The following SPATA13 variants were observed in gnomAD, a reference collection of about 807,000 sequenced individuals.
The protein encoded by SPATA13 is spermatogenesis-associated protein 13.
SPATA13 carries 50 observed loss-of-function variants against 104.0 expected under a neutral mutation model. The observed-to-expected ratio is 0.48, with a 90% CI of 0.38 to 0.61. The LOEUF (loss-of-function observed/expected upper bound fraction) is 0.61, where lower values mean the gene tolerates loss of function less well. Among genes scored for constraint, SPATA13 ranks in the 20% least tolerant of loss-of-function variants. SPATA13 has a pLI of 0.00. For synonymous variants in SPATA13, 606 were observed against 667.5 expected (o/e 0.91, Z 1.42); for missense variants, 1,524 against 1,690.6 (o/e 0.90, Z 1.73).
At chr13:24,151,171 A>C (rs2138470810) in intron 3 of SPATA13, among the ~76,000 whole-genome samples, 1 of 152,240 alleles carries the variant, frequency 6.6e-6, no homozygotes, top group South Asian at 2.1e-4. Context: ...TGGCCCTCAG[A>C]CCCAGATGCT....
intron 3 of SPATA13, among the ~76,000 whole-genome samples, chr13:24,039,134 C>G (rs976871895): frequency 2.6e-5 from 4 of 152,348 alleles, no homozygotes; most frequent in African/African-American, 7.2e-5. Context: ...ATTAGTGAAC[C>G]TTTCTTCTCT....
intron 3 of SPATA13, among the ~76,000 whole-genome samples, chr13:24,115,379 G>A (rs9553185): frequency 0.072 from 10,958 of 152,292 alleles, 714 homozygotes; most frequent in East Asian, 0.31. Context: ...ACCTGACTGC[G>A]CAGCAGAAGG....
chr13:24,107,909 A>G (rs994454874), intron 3 of SPATA13, among the ~76,000 whole-genome samples: 1 of 152,186 alleles, frequency 6.6e-6, no homozygotes, highest in Admixed American at 6.5e-5. Flanking sequence ...CACAATTTTA[A>G]TTATTATGCT....
At chr13:24,005,144 G>C (rs753024445) in intron 2 of SPATA13, among the ~76,000 whole-genome samples, 1 of 152,140 alleles carries the variant, frequency 6.6e-6, no homozygotes, top group Non-Finnish European at 1.5e-5. Context: ...TCTCTGAGTC[G>C]CTAGGGGAGA....
rs1877584375 is a variant in SPATA13 at position 24,306,504 on chromosome 13, C to T, written c.*3731C>T. ...GACCCAAGTCAACTAGGTGAAACTA[C>T]TAGCAGACCCAGCTTTCCCATAATA... On this transcript the variant is annotated 3_prime_UTR_variant, in exon 13 of 13. Transcript: ENST00000382108. 6.6e-6 allele frequency: 1 copy of T among 152,186 alleles called. No homozygotes were observed. The highest frequency in any genetic ancestry group is 1.5e-5 in the Non-Finnish European group (1 of 68,036). 9.4% of individuals were successfully genotyped at this position (152,186 alleles called of 1,614,324 possible). A position where few individuals can be genotyped will look rare whatever the true frequency, so the allele number is the denominator to read the frequency against.
intron 2 of SPATA13, among the ~76,000 whole-genome samples, chr13:24,004,262 A>C (rs1426236262): frequency 2.6e-5 from 4 of 152,244 alleles, no homozygotes; most frequent in African/African-American, 4.8e-5. Flanking sequence ...CTCTGCAGTC[A>C]TCAGTCAATA....
At chr13:24,268,714 G>A (rs1394509173) in intron 4 of SPATA13, among the ~76,000 whole-genome samples, 4 of 152,176 alleles carry the variant, frequency 2.6e-5, no homozygotes, top group African/African-American at 9.7e-5. Flanking sequence ...AGCCAAGATC[G>A]TGCCACTGCA....
chr13:23,987,088 T>C (rs1428267756), intron 2 of SPATA13, among the ~76,000 whole-genome samples: 2 of 82,718 alleles, frequency 2.4e-5, no homozygotes, highest in African/African-American at 8.3e-5. Context: ...TGGATTGATA[T>C]TTTAAATGAA....
rs1370170580 is a variant in SPATA13, at chr13:24,284,284, C to T, written c.2301+13C>T. The T allele has an allele frequency of 6.2e-7, 1 of 1,612,288 alleles. No homozygotes were observed. The highest frequency in any genetic ancestry group is 8.5e-7 in the Non-Finnish European group (1 of 1,179,064). The stretch of plus-strand genomic sequence containing the variant: ...GGCCATCAATGAGGTACTGGAATTC[C>T]ACACGACAGTAGTGGATACGGGATA... On this transcript the variant is annotated intron_variant, in intron 5 of 12. Transcript: ENST00000382108.
At chr13:24,271,021 ACTCTCTCTCTCTCTCTCTCACT>A in intron 4 of SPATA13, 3 of 606,220 alleles carry the variant, frequency 4.9e-6, no homozygotes, top group Non-Finnish European at 8.8e-6. Context: ...ACTCTCTCTC[ACTCTCTCTCTCTCTCTCTCACT>A]CTCTCTCTCT....
chr13:24,161,884 CG>C lies in SPATA13; in HGVS notation c.-112+953del, dbSNP rs1882512423. Reference sequence around the variant, plus strand: ...TCCCCACCTTCGGTTTTTGCTGCCTCGTGTTTTCTTCTCTGTGAACCTTTCC... The same window carrying C: ...TCCCCACCTTCGGTTTTTGCTGCCTCTGTTTTCTTCTCTGTGAACCTTTCC... On this transcript the variant is annotated intron_variant, in intron 1 of 12. Coordinates refer to ENST00000382108, the MANE Select transcript of SPATA13 (RefSeq NM_001166271.3). The surrounding 1 kb of genome is among the most constrained non-coding windows in gnomAD (Gnocchi z 4.5). 1.3e-5 allele frequency among the ~76,000 whole-genome samples: 2 copies of C among 152,204 alleles called. No individual in the cohort carries two copies. Among genetic ancestry groups the C allele is most frequent in the African/African-American group, 4.8e-5 (2 of 41,448 alleles).
intron 1 of SPATA13, among the ~76,000 whole-genome samples, chr13:24,202,790 C>G (rs2138574424): frequency 6.6e-6 from 1 of 152,046 alleles, no homozygotes; most frequent in Non-Finnish European, 1.5e-5. Flanking sequence ...GGTAGTGAAA[C>G]ACTCCCAGGA....
intron 1 of SPATA13, among the ~76,000 whole-genome samples, chr13:24,189,902 T>TTATATAA (rs528405613): frequency 0.22 from 2,724 of 12,590 alleles, 251 homozygotes; most frequent in African/African-American, 0.27. Context: ...TATTATATAA[T>TTATATAA]TATATTACAT....
chr13:24,235,478 T>C (rs544944112), intron 2 of SPATA13, among the ~76,000 whole-genome samples: 1 of 152,324 alleles, frequency 6.6e-6, no homozygotes, highest in African/African-American at 2.4e-5. Flanking sequence ...AGAATTGGTC[T>C]GGCTGACGTG....
At chr13:24,115,004 A>C (rs1317940002) in intron 3 of SPATA13, among the ~76,000 whole-genome samples, 2 of 151,956 alleles carry the variant, frequency 1.3e-5, no homozygotes, top group African/African-American at 4.8e-5. Flanking sequence ...AGTCCTGGTG[A>C]CTCTGACAGG....
In SPATA13 at chr13:23,990,106, T is replaced by A. The variant is rs1875341625; in HGVS notation, c.-147+6173T>A. Among the ~76,000 whole-genome samples, 3 of 152,168 alleles carry A rather than the reference T, an allele frequency of 2.0e-5. No individual in the cohort carries two copies. The South Asian group carries it at 6.2e-4, about 32-fold the overall frequency. On this transcript the variant is annotated intron_variant, in intron 2 of 14. Coordinates refer to the SPATA13 transcript ENST00000424834. ...AACAGTCTCTCCAGTGTCCAGTGTG[T>A]CCACCACCCTGCACCTGGTCACCAC...
chr13:24,129,291 T>G (rs7331517), intron 3 of SPATA13, among the ~76,000 whole-genome samples: 104,392 of 152,182 alleles, frequency 0.69, 36,523 homozygotes, highest in East Asian at 0.93. Flanking sequence ...CATGTGAGCA[T>G]GAGGGAAAGG....
chr13:24,141,768 G>C (rs1472078215), intron 3 of SPATA13, among the ~76,000 whole-genome samples: 1 of 152,234 alleles, frequency 6.6e-6, no homozygotes, highest in Non-Finnish European at 1.5e-5. Context: ...GGCTAAGAAA[G>C]ATCGAGAGCT....
intron 3 of SPATA13, among the ~76,000 whole-genome samples, chr13:24,022,936 T>C (rs1049576276): frequency 7.0e-6 from 1 of 141,990 alleles, no homozygotes; most frequent in Admixed American, 7.3e-5. Flanking sequence ...ACTTGAATCT[T>C]CTTTTTTTTT....
Sources: allele counts gnomAD v4.1 joint callset (sites outside exome capture counted in the v4.1 genomes callset), GRCh38; gene constraint gnomAD v4.1.1; non-coding constraint Gnocchi (gnomAD v3.1); transcripts MANE v1.5; gene names NCBI Gene and HGNC (gene_info 2026-07-23, HGNC 2026-07-21).